Variants in GALNT18 observed in about 807,000 individuals in gnomAD.
GALNT18 encodes polypeptide N-acetylgalactosaminyltransferase 18, also known as GalNAc-transferase 18.
A neutral mutation model predicts 69.5 loss-of-function variants in GALNT18; 44 were observed. The observed-to-expected ratio is 0.63, with a 90% CI of 0.50 to 0.81. The LOEUF (loss-of-function observed/expected upper bound fraction) is 0.81, where lower values mean the gene tolerates loss of function less well. Ranked by LOEUF, GALNT18 falls within the 40% of genes least tolerant of loss-of-function variation. GALNT18 has a pLI of 0.00. For missense variants in GALNT18, 715 were observed against 810.0 expected (o/e 0.88, Z 1.42); for synonymous variants, 364 against 318.2 (o/e 1.14, Z -1.53).
rs1193055769 is a variant in GALNT18 at position 11,614,530 on chromosome 11, G to A, written c.235+6829C>T. Among the ~76,000 whole-genome samples, 9 of 152,064 alleles carry A rather than the reference G, an allele frequency of 5.9e-5. No homozygotes were observed. The highest frequency in any genetic ancestry group is 2.2e-4 in the African/African-American group (9 of 41,408). On this transcript the variant is annotated intron_variant, in intron 1 of 10. Transcript: ENST00000227756. This position sits in a 1 kb window ranked among gnomAD's most constrained non-coding sequence, Gnocchi z 5.6. Reference sequence around the variant, plus strand: ...CCCACTAGGCCCCACCTCAAACACTGGGGACCACATTTCAACATGAGATTT... The same window carrying A: ...CCCACTAGGCCCCACCTCAAACACTAGGGACCACATTTCAACATGAGATTT...
At chr11:11,607,666 T>G (rs886524764) in intron 1 of GALNT18, among the ~76,000 whole-genome samples, 1 of 152,230 alleles carries the variant, frequency 6.6e-6, no homozygotes, top group Non-Finnish European at 1.5e-5. Context: ...ATTGAAATTA[T>G]AAGTCACATT....
chr11:11,364,436 T>C (rs1411263469), intron 6 of GALNT18, among the ~76,000 whole-genome samples: 1 of 152,106 alleles, frequency 6.6e-6, no homozygotes, highest in Non-Finnish European at 1.5e-5. Context: ...TTAGATGAAA[T>C]GTATGGGACA....
At chr11:11,313,627 A>G (rs1253834138) in intron 9 of GALNT18, among the ~76,000 whole-genome samples, 3 of 152,122 alleles carry the variant, frequency 2.0e-5, no homozygotes, top group African/African-American at 7.2e-5. Context: ...CCACATGTTT[A>G]ACTAAACTAG....
chr11:11,353,934 A>G (rs139373861), intron 6 of GALNT18, among the ~76,000 whole-genome samples: 9 of 152,272 alleles, frequency 5.9e-5, no homozygotes, highest in African/African-American at 1.7e-4. Context: ...TCTGGTGTCT[A>G]TGTGTCTGGC....
At chr11:11,544,477 T>C (rs1365857694) in intron 1 of GALNT18, among the ~76,000 whole-genome samples, 1 of 152,254 alleles carries the variant, frequency 6.6e-6, no homozygotes, top group Non-Finnish European at 1.5e-5. Flanking sequence ...CCAGAAGCTA[T>C]ACTGTGCACT....
At chr11:11,281,121 C>T (rs1849064565) in intron 10 of GALNT18, among the ~76,000 whole-genome samples, 1 of 152,222 alleles carries the variant, frequency 6.6e-6, no homozygotes, top group South Asian at 2.1e-4. Flanking sequence ...ATGCTGGGAG[C>T]AGCACGCAGG....
intron 1 of GALNT18, among the ~76,000 whole-genome samples, chr11:11,452,611 C>T (rs2133825390): frequency 6.6e-6 from 1 of 152,326 alleles, no homozygotes; most frequent in African/African-American, 2.4e-5. Context: ...CTCCCGTCTC[C>T]AGTGAGAAAG....
At chr11:11,468,928 T>C (rs1476823112) in intron 1 of GALNT18, among the ~76,000 whole-genome samples, 1 of 152,152 alleles carries the variant, frequency 6.6e-6, no homozygotes, top group African/African-American at 2.4e-5. Context: ...GATAGGTGAA[T>C]GAGTATTGCT....
chr11:11,312,025 C>T (rs562084111), intron 9 of GALNT18, among the ~76,000 whole-genome samples: 20 of 152,296 alleles, frequency 1.3e-4, no homozygotes, highest in South Asian at 1.2e-3. Context: ...GGCGCAATCT[C>T]GGCTCACTGC....
rs925198057 is a variant in GALNT18 at position 11,546,559 on chromosome 11, T to C, written c.235+74800A>G. 1.3e-5 allele frequency among the ~76,000 whole-genome samples: 2 copies of C among 152,194 alleles called. No individual in the cohort carries two copies. The highest frequency in any genetic ancestry group is 2.4e-5 in the African/African-American group (1 of 41,462). ...GCTGTAAAAGGTATCACGGCTCCCA[T>C]TGCTCACTGGATAAACACAAAATCT... On this transcript the variant is annotated intron_variant, in intron 1 of 10. Coordinates refer to ENST00000227756, the MANE Select transcript of GALNT18 (RefSeq NM_198516.3). The surrounding 1 kb of genome is among the most constrained non-coding windows in gnomAD (Gnocchi z 5.8).
rs146269825 is a variant in GALNT18 at position 11,569,836 on chromosome 11, T to C, written c.235+51523A>G. On this transcript the variant is annotated intron_variant, in intron 1 of 10. Coordinates refer to ENST00000227756, the MANE Select transcript of GALNT18 (RefSeq NM_198516.3). ...AGATCACAAAACAGGGCATGAGGTC[T>C]TTGGGGTAGCCATAGGAGAAAGGGA... 2.7e-4 allele frequency among the ~76,000 whole-genome samples: 41 copies of C among 152,176 alleles called. 1 individual carries two copies. The East Asian group carries it at 7.6e-3, about 28-fold the overall frequency.
chr11:11,466,814 G>A (rs558897661), intron 1 of GALNT18, among the ~76,000 whole-genome samples: 5 of 152,262 alleles, frequency 3.3e-5, no homozygotes, highest in Admixed American at 6.5e-5. Flanking sequence ...AGGAATGAGC[G>A]GGAAGCAAGA....
At chr11:11,351,689 C>T (rs563080259) in intron 6 of GALNT18, among the ~76,000 whole-genome samples, 34 of 152,098 alleles carry the variant, frequency 2.2e-4, no homozygotes, top group Non-Finnish European at 4.4e-4. Flanking sequence ...TCTCTGGCCC[C>T]CATTACTGTC....
chr11:11,313,656 T>C (rs558128644), intron 9 of GALNT18, among the ~76,000 whole-genome samples: 2 of 152,294 alleles, frequency 1.3e-5, no homozygotes, highest in South Asian at 4.1e-4. Context: ...TGCTGAGTCA[T>C]GGCTCTGAGC....
At chr11:11,552,168 G>A (rs1590092131) in intron 1 of GALNT18, among the ~76,000 whole-genome samples, 1 of 97,744 alleles carries the variant, frequency 1.0e-5, no homozygotes, top group South Asian at 2.5e-4. Flanking sequence ...AGCAGCCATA[G>A]GCCCTCTGGA....
chr11:11,279,576 G>C (rs1849023538), intron 10 of GALNT18, among the ~76,000 whole-genome samples: 1 of 140,804 alleles, frequency 7.1e-6, no homozygotes, highest in Admixed American at 7.6e-5. Context: ...AACCTATATA[G>C]CAACAAAAAC....
At chr11:11,288,553 C>G (rs1849237886) in intron 10 of GALNT18, among the ~76,000 whole-genome samples, 1 of 152,184 alleles carries the variant, frequency 6.6e-6, no homozygotes, top group Non-Finnish European at 1.5e-5. Context: ...GAAGCTGTGT[C>G]TGATTTATAT....
intron 1 of GALNT18, among the ~76,000 whole-genome samples, chr11:11,558,512 G>A (rs1045220030): frequency 2.0e-5 from 3 of 152,246 alleles, no homozygotes; most frequent in East Asian, 1.9e-4. Flanking sequence ...GAGCCTGGGT[G>A]TGCCCAAGGC....
chr11:11,457,112 G>A lies in GALNT18; in HGVS notation c.236-8176C>T, dbSNP rs564424262. Among the ~76,000 whole-genome samples, 3 of 152,352 alleles carry A rather than the reference G, an allele frequency of 2.0e-5. No homozygotes were observed. In the South Asian group the frequency reaches 6.2e-4, roughly 32 times the overall value. On this transcript the variant is annotated intron_variant, in intron 1 of 10. Coordinates refer to ENST00000227756, the MANE Select transcript of GALNT18 (RefSeq NM_198516.3). Reference sequence around the variant, plus strand: ...CTGAAGCCAGTGATGCTGAAAGTAGGAATTCCTGCATGAAGGGTTCTGCTT... The same window carrying A: ...CTGAAGCCAGTGATGCTGAAAGTAGAAATTCCTGCATGAAGGGTTCTGCTT...
Sources: gnomAD v4.1 joint callset for allele counts (sites outside exome capture counted in the v4.1 genomes callset) on GRCh38, gnomAD v4.1.1 for gene constraint, Gnocchi (gnomAD v3.1) non-coding constraint, MANE v1.5 for transcripts, NCBI Gene and HGNC (gene_info 2026-07-23, HGNC 2026-07-21) for gene names.